Variants in ZNF385D observed in about 807,000 individuals in gnomAD.
ZNF385D encodes zinc finger protein 385D.
ZNF385D carries 15 observed loss-of-function variants against 35.8 expected under a neutral mutation model. The ratio of observed to expected loss-of-function variants is 0.42; its 90% CI spans 0.28 to 0.64. The LOEUF is 0.64. ZNF385D is among the 30% of genes least tolerant of loss of function. The pLI is 0.23. For missense variants in ZNF385D, 474 were observed against 494.6 expected, an observed-to-expected ratio of 0.96 and a Z score of 0.39; for synonymous variants, 212 against 186.8, an observed-to-expected ratio of 1.13 and a Z score of -1.10.
intron 3 of ZNF385D, among the ~76,000 whole-genome samples, chr3:21,808,345 T>C (rs2072748617): frequency 6.6e-6 from 1 of 152,182 alleles, no homozygotes; most frequent in African/African-American, 2.4e-5. Flanking sequence ...GAATTTACCT[T>C]CCCTCCTCCA....
In ZNF385D at chr3:22,274,599, T is replaced by C. The variant is rs368753273; in HGVS notation, c.106+97851A>G. 4.6e-5 allele frequency among the ~76,000 whole-genome samples: 7 copies of C among 152,114 alleles called. No individual in the cohort carries two copies. The South Asian group carries it at 8.3e-4, about 18-fold the overall frequency. ...ATTGCAATCAAGATGTTAAATTCTT[T>C]TGGCTGTTTAACAGTTTGGCTCACT... On this transcript the variant is annotated intron_variant, in intron 2 of 5. Coordinates refer to the ZNF385D transcript ENST00000494108.
At chr3:22,155,038 C>T (rs1331280857) in intron 3 of ZNF385D, among the ~76,000 whole-genome samples, 1 of 152,106 alleles carries the variant, frequency 6.6e-6, no homozygotes, top group Admixed American at 6.6e-5. Context: ...GATTTTTAAA[C>T]ATCATTGTAT....
chr3:22,098,508 G>A lies in ZNF385D; in HGVS notation c.325+70309C>T, dbSNP rs555589415. ...AATTAGAAATTGATTTAATTATTGG[G>A]TGCTTAACTACTCTCTAGCTGTCAT... On this transcript the variant is annotated intron_variant, in intron 3 of 5. Coordinates refer to the ZNF385D transcript ENST00000494108. Among the ~76,000 whole-genome samples the A allele has an allele frequency of 2.6e-5, 4 of 152,114 alleles. No individual in the cohort carries two copies. In the South Asian group the frequency reaches 6.2e-4, roughly 24 times the overall value.
intron 2 of ZNF385D, among the ~76,000 whole-genome samples, chr3:21,643,642 T>C (rs1469854499): frequency 6.6e-6 from 1 of 152,092 alleles, no homozygotes; most frequent in Non-Finnish European, 1.5e-5. Context: ...GACACTATTA[T>C]TGCCTTAGAG....
chr3:22,224,965 A>G (rs1213241139), intron 2 of ZNF385D, among the ~76,000 whole-genome samples: 1 of 152,158 alleles, frequency 6.6e-6, no homozygotes, highest in East Asian at 1.9e-4. Flanking sequence ...TAATCAGAAC[A>G]TCTGATTTCT....
At chr3:21,565,912 T>G (rs547054422) in intron 2 of ZNF385D, among the ~76,000 whole-genome samples, 1 of 152,312 alleles carries the variant, frequency 6.6e-6, no homozygotes, top group African/African-American at 2.4e-5. Flanking sequence ...ATATTATAGT[T>G]CATTAATTCC....
chr3:21,665,667 G>C (rs1346540245), intron 1 of ZNF385D, among the ~76,000 whole-genome samples: 1 of 152,144 alleles, frequency 6.6e-6, no homozygotes, highest in Non-Finnish European at 1.5e-5. Context: ...GTCATGAGTA[G>C]GTGGAATTTA....
intron 3 of ZNF385D, among the ~76,000 whole-genome samples, chr3:22,067,364 G>T (rs1356691678): frequency 6.6e-6 from 1 of 152,104 alleles, no homozygotes; most frequent in Non-Finnish European, 1.5e-5. Flanking sequence ...GTAATAAAAT[G>T]CCTAATATCA....
chr3:21,912,195 T>G (rs35394557), intron 3 of ZNF385D, among the ~76,000 whole-genome samples: 2 of 151,958 alleles, frequency 1.3e-5, no homozygotes, highest in Non-Finnish European at 2.9e-5. Flanking sequence ...CTTACAAGAC[T>G]TGTCTTAAAA....
rs540773085 is a variant in ZNF385D at position 21,664,812 on chromosome 3, G to A, written c.165+74C>T. On this transcript the variant is annotated intron_variant, in intron 2 of 7. Coordinates refer to ENST00000281523, the MANE Select transcript of ZNF385D (RefSeq NM_024697.3). ...ATATAGCAAAATGGAGGCAGTGGCC[G>A]AACCAACCCTGGCCTTTAAGTTAGT... 17 of 1,598,174 alleles carry A rather than the reference G, an allele frequency of 1.1e-5. No individual in the cohort carries two copies. The African/African-American group carries it at 1.6e-4, about 15-fold the overall frequency.
At chr3:21,973,218 A>G (rs1047566586) in intron 3 of ZNF385D, among the ~76,000 whole-genome samples, 1 of 152,030 alleles carries the variant, frequency 6.6e-6, no homozygotes, top group African/African-American at 2.4e-5. Context: ...ATCATTCATC[A>G]TGACCAAGTT....
At chr3:21,825,841 A>G (rs538562735) in intron 3 of ZNF385D, among the ~76,000 whole-genome samples, 16 of 152,306 alleles carry the variant, frequency 1.1e-4, no homozygotes, top group Non-Finnish European at 1.8e-4. Context: ...GCTAGGCTGT[A>G]CAGCAGGAGG....
intron 3 of ZNF385D, among the ~76,000 whole-genome samples, chr3:21,822,224 A>C (rs1234199886): frequency 6.6e-6 from 1 of 151,816 alleles, no homozygotes; most frequent in East Asian, 2.0e-4. Flanking sequence ...GGCAGCCACC[A>C]CCACGCCTGG....
chr3:21,982,560 T>A (rs1449219665), intron 3 of ZNF385D, among the ~76,000 whole-genome samples: 2 of 152,182 alleles, frequency 1.3e-5, no homozygotes, highest in Non-Finnish European at 2.9e-5. Context: ...CTCTTCCTAT[T>A]TGGAAGCCCT....
chr3:22,123,754 G>A (rs937378535), intron 3 of ZNF385D, among the ~76,000 whole-genome samples: 16 of 151,962 alleles, frequency 1.1e-4, no homozygotes, highest in African/African-American at 2.2e-4. Flanking sequence ...TCAGCTACTC[G>A]GGAGGCCGAG....
At chr3:22,043,463 A>G (rs1236589506) in intron 3 of ZNF385D, among the ~76,000 whole-genome samples, 1 of 152,068 alleles carries the variant, frequency 6.6e-6, no homozygotes, top group African/African-American at 2.4e-5. Context: ...AAAGGAAAGT[A>G]TAATTATCAA....
At chr3:21,844,028 T>C (rs576741627) in intron 3 of ZNF385D, among the ~76,000 whole-genome samples, 4 of 152,018 alleles carry the variant, frequency 2.6e-5, no homozygotes, top group African/African-American at 9.6e-5. Flanking sequence ...AAGTAGAAAG[T>C]CTTGTTCTAG....
intron 1 of ZNF385D, among the ~76,000 whole-genome samples, chr3:21,680,224 A>G (rs7632361): frequency 0.024 from 3,673 of 152,058 alleles, 146 homozygotes; most frequent in African/African-American, 0.084. Context: ...CATTCATTCA[A>G]TATTTATTGG....
chr3:22,033,218 A>G (rs1391334412), intron 3 of ZNF385D, among the ~76,000 whole-genome samples: 1 of 151,866 alleles, frequency 6.6e-6, no homozygotes, highest in East Asian at 1.9e-4. Flanking sequence ...ACGGGACAAC[A>G]TGGTGGAACC....
Sources: allele counts gnomAD v4.1 joint callset (sites outside exome capture counted in the v4.1 genomes callset), GRCh38; gene constraint gnomAD v4.1.1; transcripts MANE v1.5; gene names NCBI Gene and HGNC (gene_info 2026-07-23, HGNC 2026-07-21).